Variants in ZNF81 observed in about 807,000 individuals in gnomAD.
ZNF81 encodes the protein zinc finger protein 81.
Under a neutral mutation model 32.3 loss-of-function variants are expected in ZNF81, and 5 were observed. That is an observed-to-expected ratio of 0.15 (90% CI 0.08 to 0.33). The LOEUF (loss-of-function observed/expected upper bound fraction) is 0.33, where lower values mean the gene tolerates loss of function less well. ZNF81 is among the 10% of genes least tolerant of loss of function. ZNF81 has a pLI of 1.00. For missense variants in ZNF81, 379 were observed against 479.8 expected (o/e 0.79, Z 1.96); for synonymous variants, 163 against 166.8 (o/e 0.98, Z 0.17).
chrX:47,847,235 G>A (rs1354659558), intron 2 of ZNF81, among the ~76,000 whole-genome samples: 1 of 111,449 alleles, frequency 9.0e-6, no homozygotes, highest in African/African-American at 3.3e-5. Flanking sequence ...TATCTTTAGA[G>A]ACAGGGTCTC....
At position 47,915,717 on chromosome X, in the gene ZNF81, C is replaced by T. The variant is rs781879250; in HGVS notation, c.1071C>T (p.Pro357=). The change falls in exon 5 of 5, where the codon CCC becomes CCT. Residue 357 remains proline (P), a synonymous_variant. Coordinates refer to ENST00000338637, the MANE Select transcript of ZNF81 (RefSeq NM_007137.5). ...AGAAAACTCATACTAGAGAGAAACC[C>T]TATAAATGCAATGAATGTGGGAAAT... ...MHEKTHTREK[P]YKCNECGKSF... is the part of the protein sequence containing the mutation. The T allele has an allele frequency of 1.7e-6, 2 of 1,210,430 alleles. No homozygotes were observed. Among genetic ancestry groups the T allele is most frequent in the African/African-American group, 3.5e-5 (2 of 57,495 alleles).
At chrX:47,894,071 G>C in intron 3 of ZNF81, among the ~76,000 whole-genome samples, 1 of 111,863 alleles carries the variant, frequency 8.9e-6, no homozygotes, top group Non-Finnish European at 1.9e-5. Context: ...TATTACAATA[G>C]GGGAAAAGAT....
At chrX:47,893,012 C>A (rs1240144702) in intron 3 of ZNF81, among the ~76,000 whole-genome samples, 1 of 112,404 alleles carries the variant, frequency 8.9e-6, no homozygotes, top group Admixed American at 9.4e-5. Context: ...CCTCTACTGG[C>A]AAAGGAGACT....
intron 2 of ZNF81, among the ~76,000 whole-genome samples, chrX:47,860,482 T>C (rs1206040616): frequency 9.1e-6 from 1 of 110,245 alleles, no homozygotes; most frequent in Non-Finnish European, 1.9e-5. Context: ...AAGACCAAGC[T>C]GTGATTAGAA....
intron 4 of ZNF81, among the ~76,000 whole-genome samples, chrX:47,902,016 G>A (rs1361252653): frequency 2.7e-5 from 3 of 111,655 alleles, no homozygotes; most frequent in Admixed American, 9.5e-5. Context: ...TTCTTTGTGG[G>A]ACTGTCTTTA....
chrX:47,841,543 T>C (rs1271082697), intron 1 of ZNF81: 7 of 968,055 alleles, frequency 7.2e-6, no homozygotes, highest in Non-Finnish European at 1.0e-5. Flanking sequence ...GTAGGAATGA[T>C]TCCAGTCACT....
intron 2 of ZNF81, among the ~76,000 whole-genome samples, chrX:47,863,250 T>C (rs1481411879): frequency 8.9e-6 from 1 of 111,909 alleles, no homozygotes; most frequent in Non-Finnish European, 1.9e-5. Context: ...AAGGTTGTCC[T>C]TGAACAACTG....
At chrX:47,895,376 T>G (rs1258861727) in intron 3 of ZNF81, among the ~76,000 whole-genome samples, 3 of 110,732 alleles carry the variant, frequency 2.7e-5, no homozygotes, top group African/African-American at 9.9e-5. Context: ...GGGAAGACAA[T>G]AAGAAGATAC....
At position 47,889,244 on chromosome X, in the gene ZNF81, C is replaced by A. The variant is rs141119636; in HGVS notation, c.181+1119C>A. On this transcript the variant is annotated intron_variant, in intron 3 of 4. Coordinates refer to ENST00000338637, the MANE Select transcript of ZNF81 (RefSeq NM_007137.5). ...GACTTGTGGATCCAATCAACTGTCTCACTAGAAATGCTTCCAGGTTGGACT... is the reference window on the plus strand; with the variant it reads ...GACTTGTGGATCCAATCAACTGTCTAACTAGAAATGCTTCCAGGTTGGACT... Among the ~76,000 whole-genome samples, 885 of 112,168 alleles carry A rather than the reference C, an allele frequency of 7.9e-3. 2 individuals carry two copies. The highest frequency in any genetic ancestry group is 0.012 in the Non-Finnish European group (661 of 53,238).
chrX:47,846,501 GATTT>G, intron 2 of ZNF81, among the ~76,000 whole-genome samples, 180 bp downstream of exon 2: 1 of 111,897 alleles, frequency 8.9e-6, no homozygotes, highest in African/African-American at 3.2e-5. Context: ...GTCCATTGCT[GATTT>G]ATTTATCTTA....
chrX:47,870,893 G>T (rs1556883820), intron 2 of ZNF81, among the ~76,000 whole-genome samples: 1 of 112,224 alleles, frequency 8.9e-6, no homozygotes, highest in Non-Finnish European at 1.9e-5. Flanking sequence ...TGATTTTGTT[G>T]CTGACACAAT....
rs1297044694 is a variant in ZNF81 at position 47,918,583 on chromosome X, C to T, written c.*1951C>T. Reference sequence around the variant, plus strand: ...GTAAAACTACCTCCAGGTTGGACTTCCAGGGACTGAAACAGTTCAAAATGA... The same window carrying T: ...GTAAAACTACCTCCAGGTTGGACTTTCAGGGACTGAAACAGTTCAAAATGA... On this transcript the variant is annotated 3_prime_UTR_variant, in exon 5 of 5. Coordinates refer to ENST00000338637, the MANE Select transcript of ZNF81 (RefSeq NM_007137.5). The T allele has an allele frequency of 9.0e-6, 1 of 111,465 alleles. No homozygotes were observed. Among genetic ancestry groups the T allele is most frequent in the Admixed American group, 9.5e-5 (1 of 10,531 alleles). The allele number at this position is 111,465 out of a possible 1,213,427, so 9.2% of individuals were successfully genotyped here.
chrX:47,866,086 C>A (rs1418101911), intron 2 of ZNF81, among the ~76,000 whole-genome samples: 1 of 111,933 alleles, frequency 8.9e-6, no homozygotes, highest in Non-Finnish European at 1.9e-5. Context: ...GTGTTGAAGG[C>A]CTTTGCCACA....
rs185385043 is a variant in ZNF81, at chrX:47,917,644, A to C, written c.*1012A>C. On this transcript the variant is annotated 3_prime_UTR_variant, in exon 5 of 5. Transcript: ENST00000338637. ...GGCCCCTTAGACCAAGTAGCCTGCC[A>C]ATTGTCAGAATTGGGAGTGAGGTTT... The C allele has an allele frequency of 9.9e-4, 169 of 171,075 alleles. No individual in the cohort carries two copies. Among genetic ancestry groups the C allele is most frequent in the African/African-American group, 4.8e-3 (159 of 33,399 alleles). 14.1% of individuals were successfully genotyped at this position (171,075 alleles called of 1,213,427 possible).
chrX:47,841,006 T>C, intron 1 of ZNF81: 3 of 824,094 alleles, frequency 3.6e-6, no homozygotes, highest in Non-Finnish European at 5.4e-6. Flanking sequence ...TTCACCCCGA[T>C]AGCCAGGTGT....
At chrX:47,897,454 A>G (rs782269881) in intron 4 of ZNF81, among the ~76,000 whole-genome samples, 55 of 110,901 alleles carry the variant, frequency 5.0e-4, no homozygotes, top group African/African-American at 1.7e-3. Flanking sequence ...ACTGGATACA[A>G]CTCCTTTGCC....
chrX:47,848,261 T>C (rs1475282814), intron 2 of ZNF81, among the ~76,000 whole-genome samples: 1 of 111,783 alleles, frequency 8.9e-6, no homozygotes, highest in Non-Finnish European at 1.9e-5. Flanking sequence ...TCCAAAGTCT[T>C]CCTAGGCCTT....
chrX:47,882,996 A>T (rs781800004), intron 2 of ZNF81, among the ~76,000 whole-genome samples: 1 of 112,597 alleles, frequency 8.9e-6, no homozygotes, highest in African/African-American at 3.2e-5. Flanking sequence ...TCTCAAAAAC[A>T]AAAACAAAAA....
intron 4 of ZNF81, among the ~76,000 whole-genome samples, chrX:47,902,208 C>G (rs2058701111): frequency 9.0e-6 from 1 of 111,510 alleles, no homozygotes; most frequent in Non-Finnish European, 1.9e-5. Flanking sequence ...CCAATGTACT[C>G]TCTTTCTCTG....
Sources: gnomAD v4.1 joint callset for allele counts (sites outside exome capture counted in the v4.1 genomes callset) on GRCh38, gnomAD v4.1.1 for gene constraint, MANE v1.5 for transcripts, NCBI Gene and HGNC (gene_info 2026-07-23, HGNC 2026-07-21) for gene names.